Variants in MR1 observed in about 807,000 individuals in gnomAD.
The protein encoded by MR1 is major histocompatibility complex, class I-related.
Under a neutral mutation model 37.8 loss-of-function variants are expected in MR1, and 44 were observed. That is an observed-to-expected ratio of 1.16 (90% CI 0.91 to 1.50). The LOEUF (loss-of-function observed/expected upper bound fraction) is 1.50. Ranked by LOEUF, MR1 falls within the 40% of genes most tolerant of loss-of-function variation. The pLI is 0.00. For missense variants in MR1, 386 were observed against 419.1 expected, an observed-to-expected ratio of 0.92 and a Z score of 0.69; for synonymous variants, 153 against 155.8, an observed-to-expected ratio of 0.98 and a Z score of 0.13.
At position 181,056,286 on chromosome 1, in the gene MR1, C is replaced by T. The variant is rs1571404912; in HGVS notation, c.*1021C>T. ...GGCTGAGACAGGGGAATTGCTTGAACCCGGGAGGCAGAGATTGCAGTGAGC... is the reference window on the plus strand; with the variant it reads ...GGCTGAGACAGGGGAATTGCTTGAATCCGGGAGGCAGAGATTGCAGTGAGC... On this transcript the variant is annotated 3_prime_UTR_variant, in exon 6 of 6. Transcript: ENST00000367580. 6.6e-6 allele frequency: 1 copy of T among 151,828 alleles called. No homozygotes were observed. Among genetic ancestry groups the T allele is most frequent in the African/African-American group, 2.4e-5 (1 of 41,308 alleles). The allele number at this position is 151,828 out of a possible 1,614,324, so 9.4% of individuals were successfully genotyped here.
Position 181,056,185 on chromosome 1 carries a change from G to A in MR1, c.*920G>A, listed in dbSNP as rs1480179537. The A allele has an allele frequency of 6.6e-6, 1 of 151,932 alleles. No individual in the cohort carries two copies. Among genetic ancestry groups the A allele is most frequent in the African/African-American group, 2.4e-5 (1 of 41,358 alleles). 9.4% of individuals were successfully genotyped at this position (151,932 alleles called of 1,614,324 possible). A position where few individuals can be genotyped will look rare whatever the true frequency, so the allele number is the denominator to read the frequency against. On this transcript the variant is annotated 3_prime_UTR_variant, in exon 6 of 6. Coordinates refer to ENST00000367580, the MANE Select transcript of MR1 (RefSeq NM_001385161.1). ...TTAAGACCATCCTGGCCAATATGGT[G>A]AAACCCTGTCTCTACTAAAATACAA...
Position 181,049,188 on chromosome 1 carries a change from G to A in MR1, c.204G>A (p.Arg68=). The change falls in exon 2 of 6, where the codon CGG becomes CGA. Residue 68 remains arginine, a synonymous_variant. Coordinates refer to ENST00000367580, the MANE Select transcript of MR1 (RefSeq NM_001385161.1). ...YDSVTRQKEP[R]APWMAENLAP... is the part of the protein sequence containing the mutation. Reference sequence around the variant, plus strand: ...GTGTCACTCGGCAGAAGGAGCCACGGGCCCCATGGATGGCAGAGAACCTCG... The same window carrying A: ...GTGTCACTCGGCAGAAGGAGCCACGAGCCCCATGGATGGCAGAGAACCTCG... The A allele has an allele frequency of 6.2e-7, 1 of 1,614,228 alleles. No homozygotes were observed.
chr1:181,050,084 T>A lies in MR1; in HGVS notation c.402T>A (p.Tyr134Ter). The A allele has an allele frequency of 6.2e-7, 1 of 1,614,134 alleles. No individual in the cohort carries two copies. The highest frequency in any genetic ancestry group is 1.1e-5 in the South Asian group (1 of 91,086). ...EDGSTTGFLQ[Y>*]AYDGQDFLIF... Reference sequence around the variant, plus strand: ...GAAGCACCACAGGATTTCTGCAGTATGCATATGACGGGCAGGATTTCCTGA... The same window carrying A: ...GAAGCACCACAGGATTTCTGCAGTAAGCATATGACGGGCAGGATTTCCTGA... The change falls in exon 3 of 6, where the codon TAT becomes TAA. Residue 134 changes from tyrosine (Y) to a stop codon, truncating the protein, a stop_gained. Coordinates refer to ENST00000367580, the MANE Select transcript of MR1 (RefSeq NM_001385161.1). LOFTEE classifies it high-confidence loss of function.
chr1:181,043,346 G>A (rs1657669079), intron 1 of MR1, among the ~76,000 whole-genome samples: 1 of 152,236 alleles, frequency 6.6e-6, no homozygotes, highest in Non-Finnish European at 1.5e-5. Context: ...TGAGGGAGGA[G>A]CCCATGGGGC....
intron 1 of MR1, among the ~76,000 whole-genome samples, chr1:181,035,298 C>G (rs933758011): frequency 2.6e-5 from 4 of 151,956 alleles, no homozygotes; most frequent in African/African-American, 9.7e-5. Context: ...GATCATGCCA[C>G]TGCACTCTAG....
rs1003891615 is a variant in MR1 at position 181,058,824 on chromosome 1, T to C, written c.*3559T>C. ...ATATATAAAGTGGAGTGCCAATGTA[T>C]TAATTTACTGTGAGAAACACAATTG... On this transcript the variant is annotated 3_prime_UTR_variant, in exon 6 of 6. Transcript: ENST00000367580. The C allele has an allele frequency of 2.0e-5, 3 of 152,220 alleles. No individual in the cohort carries two copies. Among genetic ancestry groups the C allele is most frequent in the Non-Finnish European group, 4.4e-5 (3 of 68,034 alleles). 9.4% of individuals were successfully genotyped at this position (152,220 alleles called of 1,614,324 possible).
chr1:181,052,494 T>G lies in MR1; in HGVS notation c.864T>G (p.Val288=), dbSNP rs371195224. ...TGGAGCACTGCGGTGTCCACATGGT[T>G]CTTCAGGTCCCCCAGGGTAAGGACG... ...CHVEHCGVHM[V]LQVPQESETI... The change falls in exon 4 of 6, where the codon GTT becomes GTG. Residue 288 remains valine, a synonymous_variant. Transcript: ENST00000367580. 5.6e-6 allele frequency: 9 copies of G among 1,611,128 alleles called. No individual in the cohort carries two copies. The highest frequency in any genetic ancestry group is 7.6e-6 in the Non-Finnish European group (9 of 1,177,430).
intron 1 of MR1, among the ~76,000 whole-genome samples, chr1:181,035,839 TGTCA>T (rs1657240903): frequency 2.6e-5 from 4 of 152,118 alleles, no homozygotes; most frequent in Non-Finnish European, 5.9e-5. Flanking sequence ...TGTGAAGACT[TGTCA>T]CTTTGATAAT....
At chr1:181,036,310 G>A (rs1480503709) in intron 1 of MR1, among the ~76,000 whole-genome samples, 3 of 152,004 alleles carry the variant, frequency 2.0e-5, no homozygotes, top group Non-Finnish European at 2.9e-5. Flanking sequence ...TGTTTGTTCC[G>A]TTAACCTTGA....
At chr1:181,051,180 C>T (rs944372274) in intron 3 of MR1, 4 of 151,606 alleles carry the variant, frequency 2.6e-5, no homozygotes, top group African/African-American at 9.7e-5. Context: ...TGGGAAGCTC[C>T]CCTCTCCAGG....
chr1:181,049,820 C>T, intron 2 of MR1, 191 bp from the exon 3 acceptor site: 1 of 622,894 alleles, frequency 1.6e-6, no homozygotes, highest in Non-Finnish European at 2.8e-6. Context: ...GCAGTAGGTA[C>T]TTCACAGATA....
chr1:181,046,475 C>T (rs1330570743), intron 1 of MR1, among the ~76,000 whole-genome samples: 2 of 152,180 alleles, frequency 1.3e-5, no homozygotes, highest in South Asian at 2.1e-4. Flanking sequence ...CTTGGAGAAC[C>T]TTTGTGTGGA....
At chr1:181,045,482 C>A (rs1657802443) in intron 1 of MR1, among the ~76,000 whole-genome samples, 1 of 152,064 alleles carries the variant, frequency 6.6e-6, no homozygotes, top group Non-Finnish European at 1.5e-5. Flanking sequence ...CCTTCTCGAA[C>A]CTCCTGCTTG....
chr1:181,041,131 A>G (rs1183388551), intron 1 of MR1, among the ~76,000 whole-genome samples: 2 of 151,940 alleles, frequency 1.3e-5, no homozygotes, highest in Non-Finnish European at 2.9e-5. Context: ...AAAGCACAAT[A>G]CTTACTTGGA....
intron 5 of MR1, among the ~76,000 whole-genome samples, chr1:181,054,688 C>G (rs1489843965): frequency 7.3e-6 from 1 of 137,204 alleles, no homozygotes; most frequent in African/African-American, 3.0e-5. Context: ...CCTGCCTCTA[C>G]TGAAAATATT....
chr1:181,049,648 A>T, intron 2 of MR1: 1 of 490,374 alleles, frequency 2.0e-6, no homozygotes, highest in Non-Finnish European at 3.7e-6. Flanking sequence ...AGTCAGGCCT[A>T]GTGACTTGCT....
At chr1:181,045,969 C>T (rs968404419) in intron 1 of MR1, among the ~76,000 whole-genome samples, 1 of 152,262 alleles carries the variant, frequency 6.6e-6, no homozygotes, top group African/African-American at 2.4e-5. Flanking sequence ...GGCTTAGCAC[C>T]CGGGCCAGCG....
intron 1 of MR1, among the ~76,000 whole-genome samples, chr1:181,039,383 A>G (rs1486823006): frequency 2.0e-5 from 3 of 151,634 alleles, no homozygotes; most frequent in East Asian, 1.9e-4. Flanking sequence ...TGGCTGGAGC[A>G]CTCCATTGGT....
chr1:181,041,324 A>G (rs1206422922), intron 1 of MR1, among the ~76,000 whole-genome samples: 2 of 152,176 alleles, frequency 1.3e-5, no homozygotes, highest in Non-Finnish European at 2.9e-5. Flanking sequence ...CTAATGCCCC[A>G]AGTTGTTAAT....
Sources: gnomAD v4.1 joint callset for allele counts (sites outside exome capture counted in the v4.1 genomes callset) on GRCh38, gnomAD v4.1.1 for gene constraint, MANE v1.5 for transcripts, NCBI Gene and HGNC (gene_info 2026-07-23, HGNC 2026-07-21) for gene names.